The following STAG1 variants were observed in gnomAD, a reference collection of about 807,000 sequenced individuals.
STAG1 encodes cohesin subunit SA-1.
A neutral mutation model predicts 170.9 loss-of-function variants in STAG1; 26 were observed. The ratio of observed to expected loss-of-function variants is 0.15; its 90% confidence interval spans 0.11 to 0.21. The LOEUF (loss-of-function observed/expected upper bound fraction) is 0.21. Ranked by LOEUF, STAG1 falls within the 10% of genes least tolerant of loss-of-function variation. The pLI is 1.00. For synonymous variants in STAG1, 514 were observed against 497.7 expected, an observed-to-expected ratio of 1.03 and a Z score of -0.44; for missense variants, 964 against 1,509.5, an observed-to-expected ratio of 0.64 and a Z score of 5.99.
intron 13 of STAG1, among the ~76,000 whole-genome samples, chr3:136,459,026 T>G (rs2089198720): frequency 6.6e-6 from 1 of 152,064 alleles, no homozygotes; most frequent in African/African-American, 2.4e-5. Flanking sequence ...GAGACCATCC[T>G]GGCCAACATG....
intron 1 of STAG1, among the ~76,000 whole-genome samples, chr3:136,634,372 AC>A (rs888472935): frequency 6.6e-6 from 1 of 151,444 alleles, no homozygotes; most frequent in African/African-American, 2.4e-5. Flanking sequence ...AAACAAACAA[AC>A]AAAAAAAAAA....
chr3:136,614,994 T>C (rs560775152), intron 3 of STAG1, among the ~76,000 whole-genome samples: 1 of 152,206 alleles, frequency 6.6e-6, no homozygotes, highest in Non-Finnish European at 1.5e-5. Flanking sequence ...TATACAAAGA[T>C]ACTTTTAATG....
At chr3:136,705,132 T>C (rs796512473) in intron 1 of STAG1, among the ~76,000 whole-genome samples, 13 of 152,110 alleles carry the variant, frequency 8.5e-5, no homozygotes, top group African/African-American at 3.1e-4. Context: ...TCCCAGCACT[T>C]TGGGAGGCCA....
At chr3:136,420,843 C>T (rs1243256156) in intron 20 of STAG1, among the ~76,000 whole-genome samples, 2 of 152,214 alleles carry the variant, frequency 1.3e-5, no homozygotes, top group Admixed American at 6.5e-5. Flanking sequence ...GGCACGATCT[C>T]GGCTCACGAC....
At chr3:136,509,720 C>A (rs571336717) in intron 7 of STAG1, among the ~76,000 whole-genome samples, 5 of 152,272 alleles carry the variant, frequency 3.3e-5, no homozygotes, top group Admixed American at 1.3e-4. Context: ...AAGGAGAGTT[C>A]ATCAGGAAAT....
intron 5 of STAG1, among the ~76,000 whole-genome samples, chr3:136,568,464 G>C (rs1431234197): frequency 6.6e-6 from 1 of 151,946 alleles, no homozygotes; most frequent in Non-Finnish European, 1.5e-5. Flanking sequence ...AATAATATGA[G>C]TAAAAATTAT....
intron 5 of STAG1, among the ~76,000 whole-genome samples, chr3:136,557,108 G>A (rs765286215): frequency 6.6e-6 from 1 of 151,932 alleles, no homozygotes; most frequent in African/African-American, 2.4e-5. Context: ...GTGGTGGTGC[G>A]TGCCTGTAGT....
intron 1 of STAG1, among the ~76,000 whole-genome samples, chr3:136,682,924 A>G (rs1416717883): frequency 6.6e-6 from 1 of 152,256 alleles, no homozygotes. Context: ...AACATGGAAT[A>G]TTATTCAGCC....
chr3:136,477,195 C>T, intron 10 of STAG1, 94 bp downstream of exon 10: 1 of 1,359,600 alleles, frequency 7.4e-7, no homozygotes, highest in Non-Finnish European at 9.9e-7. Context: ...ATGATTACAA[C>T]TCCTGAAAAA....
At chr3:136,661,173 T>C (rs901089690) in intron 1 of STAG1, among the ~76,000 whole-genome samples, 4 of 152,238 alleles carry the variant, frequency 2.6e-5, no homozygotes, top group South Asian at 2.1e-4. Context: ...GTTTGAAGTA[T>C]TGTTGTATTC....
At chr3:136,642,777 T>C (rs547890923) in intron 1 of STAG1, among the ~76,000 whole-genome samples, 37 of 152,326 alleles carry the variant, frequency 2.4e-4, no homozygotes, top group Non-Finnish European at 4.7e-4. Context: ...TTCTGGAAGC[T>C]AGAAGACCAC....
intron 6 of STAG1, among the ~76,000 whole-genome samples, chr3:136,523,726 A>G (rs1934823375): frequency 6.6e-6 from 1 of 152,136 alleles, no homozygotes; most frequent in East Asian, 1.9e-4. Context: ...TTATGGTTTT[A>G]GGTCTAACAT....
At chr3:136,723,940 G>GC (rs1368174736) in intron 1 of STAG1, among the ~76,000 whole-genome samples, 6 of 146,190 alleles carry the variant, frequency 4.1e-5, no homozygotes, top group South Asian at 4.4e-4. Flanking sequence ...GGGGGGGTCA[G>GC]CCCCCCGCCA....
In STAG1 at chr3:136,443,466, T is replaced by C. The variant is rs756002298; in HGVS notation, c.1429-62A>G. On this transcript the variant is annotated intron_variant, in intron 14 of 33. Transcript: ENST00000383202. The stretch of plus-strand genomic sequence containing the variant: ...TAATAAAGAAACTACTAATACTAAT[T>C]TGAGTTAAGAAATCATTTTCTTCAT... 3.9e-4 allele frequency: 450 copies of C among 1,149,110 alleles called. 1 individual carries two copies. The highest frequency in any genetic ancestry group is 5.3e-4 in the Non-Finnish European group (417 of 789,694). The allele number at this position is 1,149,110 out of a possible 1,614,324, so 71.2% of individuals were successfully genotyped here.
chr3:136,693,181 G>A (rs759821825), intron 1 of STAG1, among the ~76,000 whole-genome samples: 1 of 152,180 alleles, frequency 6.6e-6, no homozygotes, highest in South Asian at 2.1e-4. Context: ...TGAATATCCT[G>A]TAAACGTCCA....
At chr3:136,372,346 C>T (rs1937388416) in intron 23 of STAG1, among the ~76,000 whole-genome samples, 1 of 152,186 alleles carries the variant, frequency 6.6e-6, no homozygotes, top group Non-Finnish European at 1.5e-5. Flanking sequence ...TTATTTCCTT[C>T]TCCTGCCTGA....
At chr3:136,414,703 A>C (rs1204162767) in intron 21 of STAG1, among the ~76,000 whole-genome samples, 1 of 152,220 alleles carries the variant, frequency 6.6e-6, no homozygotes, top group Admixed American at 6.5e-5. Flanking sequence ...CAGATGCATC[A>C]ACAGAGTCAC....
At chr3:136,376,751 A>G (rs1937624307) in intron 23 of STAG1, among the ~76,000 whole-genome samples, 1 of 152,054 alleles carries the variant, frequency 6.6e-6, no homozygotes, top group Non-Finnish European at 1.5e-5. Flanking sequence ...GGTATGTCAT[A>G]TGTCAGCTCC....
rs376145470 is a variant in STAG1 at position 136,530,532 on chromosome 3, G to A, written c.472-9115C>T. ...TATGTTAAGCCACAAAACAAGTCTC[G>A]TCAAATTTTTAAAAATCAAAATCAT... is the stretch of plus-strand genomic sequence containing the variant. On this transcript the variant is annotated intron_variant, in intron 6 of 33. Coordinates refer to ENST00000383202, the MANE Select transcript of STAG1 (RefSeq NM_005862.3). Among the ~76,000 whole-genome samples the A allele has an allele frequency of 4.6e-4, 70 of 152,118 alleles. No homozygotes were observed. In the East Asian group the frequency reaches 9.9e-3, roughly 21 times the overall value.
Sources: gnomAD v4.1 joint callset for allele counts (sites outside exome capture counted in the v4.1 genomes callset) on GRCh38, gnomAD v4.1.1 for gene constraint, MANE v1.5 for transcripts, NCBI Gene and HGNC (gene_info 2026-07-23, HGNC 2026-07-21) for gene names.